The following VCAN variants were observed in gnomAD, a reference collection of about 807,000 sequenced individuals.
The protein encoded by VCAN is versican core protein.
VCAN carries 44 observed loss-of-function variants against 245.5 expected under a neutral mutation model. The observed-to-expected ratio is 0.18, with a 90% CI of 0.14 to 0.23. The LOEUF (loss-of-function observed/expected upper bound fraction) is 0.23, where lower values mean the gene tolerates loss of function less well. VCAN is among the 10% of genes least tolerant of loss of function. The probability of loss-of-function intolerance (pLI) is 1.00; values close to 1 mark genes in which losing one functional copy is unlikely to be tolerated. For synonymous variants in VCAN, 1,413 were observed against 1,437.0 expected (o/e 0.98, Z 0.38); for missense variants, 3,793 against 4,057.9 (o/e 0.93, Z 1.77).
rs1746937249 is a variant in VCAN at position 83,540,650 on chromosome 5, A to C, written c.7647A>C (p.Lys2549Asn). Residue 2549 changes from lysine to asparagine, a missense_variant, in exon 8 of 15, where the codon AAA (lysine) becomes AAC (asparagine). Physicochemically the swap from Lys to Asn is moderately conservative, Grantham distance 94 (BLOSUM62 0). Around this residue, in one of 5 missense-constraint regions of VCAN, gnomAD observed 3,182 missense variants for 3,250.3 expected, o/e 0.98. Coordinates refer to ENST00000265077, the MANE Select transcript of VCAN (RefSeq NM_004385.5). ...AAAATATTATCATAGACCTGGACAA[A>C]GAGGACAAGGATTTAATATTGACAA... ...PTENIIIDLD[K>N]EDKDLILTIT... 2 of 1,613,950 alleles carry C rather than the reference A, an allele frequency of 1.2e-6. No homozygotes were observed. The highest frequency in any genetic ancestry group is 1.7e-6 in the Non-Finnish European group (2 of 1,179,966).
intron 3 of VCAN, 145 bp downstream of exon 3, chr5:83,490,617 C>A (rs1437956177): frequency 8.1e-6 from 10 of 1,236,428 alleles, no homozygotes; most frequent in Non-Finnish European, 1.1e-5. Context: ...CGTCTTTCAC[C>A]AAAAATGAAC....
intron 5 of VCAN, among the ~76,000 whole-genome samples, chr5:83,502,146 C>T (rs1446975590): frequency 6.6e-6 from 1 of 152,064 alleles, no homozygotes; most frequent in Non-Finnish European, 1.5e-5. Flanking sequence ...ATCTTGCAAC[C>T]TTGCTGAACT....
At chr5:83,497,143 A>G (rs1030709047) in intron 5 of VCAN, among the ~76,000 whole-genome samples, 5 of 152,224 alleles carry the variant, frequency 3.3e-5, no homozygotes, top group African/African-American at 9.6e-5. Flanking sequence ...ATCAGAAGCC[A>G]TATATTCCAG....
chr5:83,545,299 C>A (rs1747162144), intron 8 of VCAN, among the ~76,000 whole-genome samples: 1 of 152,104 alleles, frequency 6.6e-6, no homozygotes, highest in Non-Finnish European at 1.5e-5. Context: ...CAAAAAATAT[C>A]ATTTAAGAGT....
intron 10 of VCAN, among the ~76,000 whole-genome samples, chr5:83,551,070 T>A (rs188418613): frequency 0.01 from 1,563 of 151,960 alleles, 8 homozygotes; most frequent in Non-Finnish European, 0.018. Context: ...CCCGCCTCTA[T>A]TTTTTGGACC....
At chr5:83,482,999 T>C (rs564568664) in intron 1 of VCAN, among the ~76,000 whole-genome samples, 2 of 152,366 alleles carry the variant, frequency 1.3e-5, no homozygotes, top group East Asian at 3.9e-4. Context: ...TTTGGTATTA[T>C]GTGCATGAAC....
chr5:83,474,482 CCCCGCCCAAAGGGGCTGGGTCTGGGG>C (rs1744310961), intron 1 of VCAN, among the ~76,000 whole-genome samples: 1 of 152,196 alleles, frequency 6.6e-6, no homozygotes, highest in South Asian at 2.1e-4. Context: ...GGTGGTCCAG[CCCCGCCCAAAGGGGCTGGGTCTGGGG>C]CCCGCCCCCA....
At chr5:83,556,888 G>A (rs1485750105) in intron 12 of VCAN, among the ~76,000 whole-genome samples, 1 of 152,096 alleles carries the variant, frequency 6.6e-6, no homozygotes, top group African/African-American at 2.4e-5. Context: ...CTTGTTAAAT[G>A]TGTACTTCAT....
chr5:83,490,547 G>T, intron 3 of VCAN, 75 bp downstream of exon 3: 1 of 1,596,018 alleles, frequency 6.3e-7, no homozygotes, highest in Non-Finnish European at 8.5e-7. Context: ...ATAGCACTCA[G>T]AAGTAACTGT....
At chr5:83,515,772 G>A (rs1005551885) in intron 6 of VCAN, among the ~76,000 whole-genome samples, 4 of 152,102 alleles carry the variant, frequency 2.6e-5, no homozygotes, top group African/African-American at 9.7e-5. Flanking sequence ...AAATTTGCCT[G>A]CCCTTCTAAC....
At chr5:83,559,728 T>C (rs1209989995) in intron 12 of VCAN, among the ~76,000 whole-genome samples, 3 of 152,138 alleles carry the variant, frequency 2.0e-5, no homozygotes, top group Non-Finnish European at 4.4e-5. Context: ...CACTGAGTCT[T>C]CTGAGATAGG....
At chr5:83,534,452 A>G (rs1746632105) in intron 7 of VCAN, among the ~76,000 whole-genome samples, 1 of 151,980 alleles carries the variant, frequency 6.6e-6, no homozygotes, top group Non-Finnish European at 1.5e-5. Context: ...CTTGACACTG[A>G]CCCATGTTTC....
Position 83,580,589 on chromosome 5 carries a change from A to G in VCAN, c.*155A>G. Reference sequence around the variant, plus strand: ...TTGCCGTGCTCCCAAAACATTTTAAATGAAAGTATTGGCATTCAAAAAGAC... The same window carrying G: ...TTGCCGTGCTCCCAAAACATTTTAAGTGAAAGTATTGGCATTCAAAAAGAC... On this transcript the variant is annotated 3_prime_UTR_variant, in exon 15 of 15. Transcript: ENST00000265077. 2 of 1,110,738 alleles carry G rather than the reference A, an allele frequency of 1.8e-6. No individual in the cohort carries two copies. The highest frequency in any genetic ancestry group is 2.1e-5 in the Admixed American group (1 of 48,144). The allele number at this position is 1,110,738 out of a possible 1,614,324, so 68.8% of individuals were successfully genotyped here.
At chr5:83,532,996 A>G (rs532886350) in intron 7 of VCAN, among the ~76,000 whole-genome samples, 18 of 152,266 alleles carry the variant, frequency 1.2e-4, no homozygotes, top group African/African-American at 3.8e-4. Flanking sequence ...AAGATGGTAT[A>G]TATGTTAATC....
At chr5:83,498,045 C>T (rs1745213852) in intron 5 of VCAN, among the ~76,000 whole-genome samples, 1 of 152,142 alleles carries the variant, frequency 6.6e-6, no homozygotes, top group Non-Finnish European at 1.5e-5. Flanking sequence ...TAGGCCTATC[C>T]TCTTATGGCC....
In VCAN at chr5:83,519,457, T is replaced by C. The variant is rs1745986034; in HGVS notation, c.1151T>C (p.Leu384Ser). The C allele has an allele frequency of 1.2e-6, 2 of 1,614,156 alleles. No homozygotes were observed. Among genetic ancestry groups the C allele is most frequent in the Non-Finnish European group, 8.5e-7 (1 of 1,179,962 alleles). Reference sequence around the variant, plus strand: ...GATAGAACTACACCAATCATCCCTTTAGTTGATGAATTACCTGTCATTCCA... The same window carrying C: ...GATAGAACTACACCAATCATCCCTTCAGTTGATGAATTACCTGTCATTCCA... ...VSDRTTPIIP[L>S]VDELPVIPTE... is the part of the protein sequence containing the mutation. Residue 384 changes from leucine to serine, a missense_variant, in exon 7 of 15, where the codon TTA (leucine) becomes TCA (serine). Physicochemically the swap from Leu to Ser is moderately radical, Grantham distance 145 (BLOSUM62 -2). Transcript: ENST00000265077.
chr5:83,525,001 G>C (rs1580632994), intron 7 of VCAN, among the ~76,000 whole-genome samples: 1 of 150,148 alleles, frequency 6.7e-6, no homozygotes, highest in Admixed American at 6.6e-5. Flanking sequence ...CTAAACCAAG[G>C]CATTCAATAA....
chr5:83,504,892 C>T (rs950793604), intron 5 of VCAN, among the ~76,000 whole-genome samples: 6 of 151,934 alleles, frequency 3.9e-5, no homozygotes, highest in Admixed American at 6.6e-5. Flanking sequence ...AGAATCGTGG[C>T]GGGAGGTGAA....
intron 12 of VCAN, among the ~76,000 whole-genome samples, chr5:83,558,469 G>A (rs553886602): frequency 6.6e-6 from 1 of 151,916 alleles, no homozygotes; most frequent in African/African-American, 2.4e-5. Context: ...TCTCCGTCTT[G>A]GGTGGTAGAA....
Sources: allele counts gnomAD v4.1 joint callset (sites outside exome capture counted in the v4.1 genomes callset), GRCh38; gene constraint gnomAD v4.1.1; regional missense constraint gnomAD v4.1.1; transcripts MANE v1.5; gene names NCBI Gene and HGNC (gene_info 2026-07-23, HGNC 2026-07-21).